Variants in ATP2C1 observed in about 807,000 individuals in gnomAD.
ATP2C1 encodes calcium-transporting ATPase type 2C member 1.
Under a neutral mutation model 120.5 loss-of-function variants are expected in ATP2C1, and 31 were observed. The ratio of observed to expected loss-of-function variants is 0.26; its 90% CI spans 0.19 to 0.35. ATP2C1 has a LOEUF of 0.35. ATP2C1 is among the 10% of genes least tolerant of loss of function. The probability of loss-of-function intolerance (pLI) is 1.00; values close to 1 mark genes in which losing one functional copy is unlikely to be tolerated. For missense variants in ATP2C1, 731 were observed against 1,107.5 expected (o/e 0.66, Z 4.83); for synonymous variants, 351 against 358.7 (o/e 0.98, Z 0.24).
chr3:130,989,368 C>G (rs1053578578), intron 20 of ATP2C1, among the ~76,000 whole-genome samples: 2 of 151,626 alleles, frequency 1.3e-5, no homozygotes, highest in Non-Finnish European at 2.9e-5. Context: ...AGTTCGGGAC[C>G]AGCCTGACCA....
In ATP2C1 at chr3:130,936,774, G is replaced by A. The variant is rs556556167; in HGVS notation, c.325-654G>A. On this transcript the variant is annotated intron_variant, in intron 5 of 27. Coordinates refer to ENST00000510168, the MANE Select transcript of ATP2C1 (RefSeq NM_001378687.1). The stretch of plus-strand genomic sequence containing the variant: ...GGAGCTTGCAGTGAGCTGAGATCAC[G>A]CCCCTGCACACCAGCCTGGGCAATA... Among the ~76,000 whole-genome samples, 5 of 128,678 alleles carry A rather than the reference G, an allele frequency of 3.9e-5. No individual in the cohort carries two copies. The East Asian group carries it at 1.1e-3, about 27-fold the overall frequency. The allele number at this position is 128,678 out of a possible 152,430, so 84.4% of individuals were successfully genotyped here. A position where few individuals can be genotyped will look rare whatever the true frequency, so the allele number is the denominator to read the frequency against.
intron 26 of ATP2C1, chr3:131,015,992 G>T: frequency 1.1e-6 from 1 of 947,446 alleles, no homozygotes; most frequent in Non-Finnish European, 1.6e-6. Context: ...CTCTTCAGCT[G>T]TAACAGTGAC....
chr3:130,998,927 T>C (rs186969415), intron 26 of ATP2C1, among the ~76,000 whole-genome samples: 4 of 152,330 alleles, frequency 2.6e-5, no homozygotes, highest in African/African-American at 9.6e-5. Flanking sequence ...TATGGTACTT[T>C]TTTAGAGCAT....
chr3:130,890,289 A>C (rs1182604025), upstream of ATP2C1, among the ~76,000 whole-genome samples: 1 of 152,054 alleles, frequency 6.6e-6, no homozygotes, highest in Non-Finnish European at 1.5e-5. Flanking sequence ...TGGTCATGGT[A>C]CTCTTGGGTC....
At chr3:130,936,677 C>T (rs961494172) in intron 5 of ATP2C1, among the ~76,000 whole-genome samples, 18 of 151,698 alleles carry the variant, frequency 1.2e-4, no homozygotes, top group African/African-American at 4.3e-4. Flanking sequence ...ATTAGCTGGG[C>T]GTGGTGGTGG....
rs1368783100 is a variant in ATP2C1 at position 130,975,308 on chromosome 3, G to C, written c.1414-24G>C. On this transcript the variant is annotated intron_variant, in intron 17 of 27. Transcript: ENST00000510168. Reference sequence around the variant, plus strand: ...GTAAGTACAAGTTGAAATTAAACTTGTGTTTGGTACATTTTCTTCTTAGGA... The same window carrying C: ...GTAAGTACAAGTTGAAATTAAACTTCTGTTTGGTACATTTTCTTCTTAGGA... 4 of 1,612,594 alleles carry C rather than the reference G, an allele frequency of 2.5e-6. No homozygotes were observed. In the Admixed American group the frequency reaches 5.0e-5, roughly 20 times the overall value.
chr3:130,933,876 A>T (rs1381078709), intron 4 of ATP2C1, among the ~76,000 whole-genome samples: 1 of 152,180 alleles, frequency 6.6e-6, no homozygotes, highest in Non-Finnish European at 1.5e-5. Context: ...ATGGTATCTA[A>T]GGGCTGGGGC....
intron 12 of ATP2C1, among the ~76,000 whole-genome samples, chr3:130,960,114 AAGTC>A (rs1276955391): frequency 6.6e-6 from 1 of 152,150 alleles, no homozygotes; most frequent in African/African-American, 2.4e-5. Flanking sequence ...TAAAGAAGAA[AAGTC>A]AGGTCATCTA....
intron 2 of ATP2C1, among the ~76,000 whole-genome samples, chr3:130,911,406 G>A (rs1268089116): frequency 6.6e-6 from 1 of 150,746 alleles, no homozygotes; most frequent in Admixed American, 6.6e-5. Context: ...CCAGCTCCTG[G>A]ATTCATTGAT....
chr3:130,981,968 A>C (rs1288315128), intron 20 of ATP2C1, among the ~76,000 whole-genome samples: 1 of 152,122 alleles, frequency 6.6e-6, no homozygotes, highest in Non-Finnish European at 1.5e-5. Flanking sequence ...TATTTGTTTG[A>C]AAATGTTTCT....
At chr3:130,862,309 A>G (rs2068040382) in intron 1 of ATP2C1, among the ~76,000 whole-genome samples, 1 of 137,134 alleles carries the variant, frequency 7.3e-6, no homozygotes, top group South Asian at 2.4e-4. Flanking sequence ...ATACTTACTT[A>G]TTCACTTTAT....
At chr3:130,930,323 T>A (rs776590384) in intron 2 of ATP2C1, 93 bp from the exon 3 acceptor site, 1 of 816,358 alleles carries the variant, frequency 1.2e-6, no homozygotes, top group Admixed American at 2.0e-5. Context: ...ACTGGAAAAT[T>A]AGTTGCTGTG....
Position 130,917,405 on chromosome 3 carries a change from C to T in ATP2C1, c.7-13011C>T, listed in dbSNP as rs1424104028. On this transcript the variant is annotated intron_variant, in intron 2 of 27. Coordinates refer to ENST00000510168, the MANE Select transcript of ATP2C1 (RefSeq NM_001378687.1). ...AAGCAGATTAATAATATGTGAACGC[C>T]TTTGGATTTGTTTTATCTAAGTAAG... Among the ~76,000 whole-genome samples, 4 of 151,968 alleles carry T rather than the reference C, an allele frequency of 2.6e-5. No homozygotes were observed. In the East Asian group the frequency reaches 7.7e-4, roughly 29 times the overall value.
At chr3:130,919,011 C>G (rs981705941) in intron 2 of ATP2C1, 53 of 445,704 alleles carry the variant, frequency 1.2e-4, no homozygotes, top group Admixed American at 5.0e-4. Context: ...AACAAACAAA[C>G]AAAAAGCAGT....
At chr3:131,000,900 C>G (rs900438517) in intron 27 of ATP2C1, among the ~76,000 whole-genome samples, 2 of 151,754 alleles carry the variant, frequency 1.3e-5, no homozygotes, top group Non-Finnish European at 2.9e-5. Flanking sequence ...GTCAGGAGTT[C>G]AAGACCAGCC....
At chr3:130,851,445 G>A (rs1332255083) in intron 1 of ATP2C1, among the ~76,000 whole-genome samples, 1 of 152,144 alleles carries the variant, frequency 6.6e-6, no homozygotes, top group Non-Finnish European at 1.5e-5. Context: ...AAAGGTAGGA[G>A]GTAGAGCACT....
intron 20 of ATP2C1, among the ~76,000 whole-genome samples, chr3:130,984,675 A>C (rs1327003124): frequency 2.0e-5 from 3 of 152,194 alleles, no homozygotes; most frequent in African/African-American, 7.2e-5. Context: ...GAAAGATTGA[A>C]ATCCATAAAG....
In ATP2C1 at chr3:130,967,436, C is replaced by T; in HGVS notation, c.1308+17C>T. 1 of 1,605,610 alleles carries T rather than the reference C, an allele frequency of 6.2e-7. No individual in the cohort carries two copies. The highest frequency in any genetic ancestry group is 8.5e-7 in the Non-Finnish European group (1 of 1,172,586). Reference sequence around the variant, plus strand: ...GCAATGAAGGTACGTACCTAAATTTCTCTTCTTTGACATTTGAGACACTGC... The same window carrying T: ...GCAATGAAGGTACGTACCTAAATTTTTCTTCTTTGACATTTGAGACACTGC... On this transcript the variant is annotated intron_variant, in intron 16 of 27. Transcript: ENST00000510168.
At chr3:130,976,331 C>T (rs929285320) in intron 18 of ATP2C1, among the ~76,000 whole-genome samples, 6 of 152,078 alleles carry the variant, frequency 3.9e-5, no homozygotes, top group Non-Finnish European at 8.8e-5. Flanking sequence ...TGGAAAGGTA[C>T]TCTTACCAGC....
Sources: allele counts gnomAD v4.1 joint callset (sites outside exome capture counted in the v4.1 genomes callset), GRCh38; gene constraint gnomAD v4.1.1; transcripts MANE v1.5; gene names NCBI Gene and HGNC (gene_info 2026-07-23, HGNC 2026-07-21).